RECQL: variants seen among roughly 807,000 people sequenced by gnomAD.
The protein encoded by RECQL is ATP-dependent DNA helicase Q1.
Under a neutral mutation model 75.8 loss-of-function variants are expected in RECQL, and 73 were observed. The ratio of observed to expected loss-of-function variants is 0.96; its 90% CI spans 0.80 to 1.17. The LOEUF is 1.17. RECQL is among the 50% of genes most tolerant of loss of function. The pLI is 0.00. For synonymous variants in RECQL, 248 were observed against 254.4 expected, an observed-to-expected ratio of 0.97 and a Z score of 0.24; for missense variants, 699 against 772.1, an observed-to-expected ratio of 0.91 and a Z score of 1.12.
intron 1 of RECQL, among the ~76,000 whole-genome samples, chr12:21,500,595 T>C (rs1192482918): frequency 2.0e-5 from 3 of 152,114 alleles, no homozygotes; most frequent in Non-Finnish European, 4.4e-5. Context: ...AATAGGAGAG[T>C]AAACCAAGGA....
rs759409555 is a variant in RECQL, at chr12:21,474,891, C to T, written c.1305G>A (p.Val435=). 6.2e-7 allele frequency: 1 copy of T among 1,613,212 alleles called. No homozygotes were observed. Among genetic ancestry groups the T allele is most frequent in the Non-Finnish European group, 8.5e-7 (1 of 1,179,250 alleles). Residue 435 remains valine (V), a synonymous_variant, in exon 11 of 15, where the codon GTG becomes GTA. Transcript: ENST00000444129. ...CCATCTCATAAAGCTTCTGCTGTCC[C>T]ACATTTTCCATCACCACCATTGAAC... The part of the protein sequence containing the change: ...RISSMVVMEN[V]GQQKLYEMVS...
rs997820 is a variant in RECQL, at chr12:21,474,623, A to C, written c.1355+218T>G. Among the ~76,000 whole-genome samples the C allele has an allele frequency of 0.33, 49,744 of 151,980 alleles. 9,507 individuals carry two copies. Among genetic ancestry groups the C allele is most frequent in the South Asian group, 0.49 (2,336 of 4,810 alleles). ...TGTGTCTCAAAAACCTTCAATTAAA[A>C]AAGTAGTTTTGGAGGATTATCTCAA... On this transcript the variant is annotated intron_variant, in intron 11 of 14. Transcript: ENST00000444129.
At position 21,469,400 on chromosome 12, in the gene RECQL, T is replaced by C. The variant is rs1942871080; in HGVS notation, c.*794A>G. On this transcript the variant is annotated 3_prime_UTR_variant, in exon 15 of 15. Coordinates refer to ENST00000444129, the MANE Select transcript of RECQL (RefSeq NM_002907.4). ...TTTTTTTTTTTTTAAGCTCATCAGC[T>C]ATCGTCAGTGTTAGCATATTTTATG... is the stretch of plus-strand genomic sequence containing the variant. 2 of 151,970 alleles carry C rather than the reference T, an allele frequency of 1.3e-5. No individual in the cohort carries two copies. The highest frequency in any genetic ancestry group is 4.1e-4 in the South Asian group (2 of 4,830). The allele number at this position is 151,970 out of a possible 1,614,324, so 9.4% of individuals were successfully genotyped here.
At position 21,501,270 on chromosome 12, in the gene RECQL, C is replaced by T. The variant is rs1266476368; in HGVS notation, c.-146G>A. 6.6e-6 allele frequency: 1 copy of T among 152,208 alleles called. No individual in the cohort carries two copies. The highest frequency in any genetic ancestry group is 1.5e-5 in the Non-Finnish European group (1 of 68,086). The allele number at this position is 152,208 out of a possible 1,614,324, so 9.4% of individuals were successfully genotyped here. ...GACCGGTCAGCAGGCGAACGTGCCCCTAAAGGCCCGAGTTCTCAGAGCAGG... is the reference window on the plus strand; with the variant it reads ...GACCGGTCAGCAGGCGAACGTGCCCTTAAAGGCCCGAGTTCTCAGAGCAGG... On this transcript the variant is annotated 5_prime_UTR_variant, in exon 1 of 15. Coordinates refer to ENST00000444129, the MANE Select transcript of RECQL (RefSeq NM_002907.4).
At chr12:21,473,443 T>A (rs904872735) in intron 12 of RECQL, 108 bp downstream of exon 12, 1 of 816,508 alleles carries the variant, frequency 1.2e-6, no homozygotes, top group African/African-American at 1.7e-5. Flanking sequence ...CACTTTGATG[T>A]TTGCACAATG....
intron 6 of RECQL, among the ~76,000 whole-genome samples, chr12:21,482,863 T>A (rs951979256): frequency 5.9e-5 from 9 of 152,060 alleles, no homozygotes; most frequent in African/African-American, 2.2e-4. Flanking sequence ...TAGGATTAGG[T>A]GGTGGGGTGA....
At chr12:21,487,072 A>G (rs1201139970) in intron 4 of RECQL, among the ~76,000 whole-genome samples, 1 of 142,794 alleles carries the variant, frequency 7.0e-6, no homozygotes, top group Non-Finnish European at 1.5e-5. Flanking sequence ...ATTAGATATG[A>G]ATAAATGACC....
In RECQL at chr12:21,483,494, A is replaced by G; in HGVS notation, c.582T>C (p.Ile194=). The change falls in exon 6 of 15, where the codon ATT becomes ATC. Residue 194 remains isoleucine (I), a synonymous_variant. Coordinates refer to ENST00000444129, the MANE Select transcript of RECQL (RefSeq NM_002907.4). ...LKLIYVTPEK[I]AKSKMFMSRL... ...TTGACATAAACATTTTGCTTTTTGCAATTTTCTCTGGAGTCACATAAATCA... is the reference window on the plus strand; with the variant it reads ...TTGACATAAACATTTTGCTTTTTGCGATTTTCTCTGGAGTCACATAAATCA... 1.3e-6 allele frequency: 2 copies of G among 1,587,696 alleles called. No homozygotes were observed. Among genetic ancestry groups the G allele is most frequent in the South Asian group, 1.2e-5 (1 of 86,048 alleles).
chr12:21,472,582 G>A (rs981981709), intron 12 of RECQL, among the ~76,000 whole-genome samples: 1 of 152,016 alleles, frequency 6.6e-6, no homozygotes, highest in Non-Finnish European at 1.5e-5. Context: ...GCATTGTCAC[G>A]GCATTTGTAA....
intron 5 of RECQL, among the ~76,000 whole-genome samples, chr12:21,483,802 T>C (rs1943239436): frequency 6.6e-6 from 1 of 151,892 alleles, no homozygotes; most frequent in Admixed American, 6.6e-5. Context: ...TGTTGATGAC[T>C]AAAAAAAACT....
intron 5 of RECQL, among the ~76,000 whole-genome samples, chr12:21,485,690 T>C (rs1193960889): frequency 6.6e-6 from 1 of 152,108 alleles, no homozygotes; most frequent in East Asian, 1.9e-4. Context: ...AATTAAAATA[T>C]GATGTCTGGA....
At chr12:21,478,227 A>AAGATAAAACAGGCCATC (rs1943123936) in intron 6 of RECQL, among the ~76,000 whole-genome samples, 1 of 152,234 alleles carries the variant, frequency 6.6e-6, no homozygotes, top group Non-Finnish European at 1.5e-5. Context: ...CAACTAACAA[A>AAGATAAAACAGGCCATC]AGATAAAACA....
chr12:21,470,866 T>C (rs1942933469), intron 14 of RECQL, 103 bp downstream of exon 14: 2 of 802,518 alleles, frequency 2.5e-6, no homozygotes, highest in Non-Finnish European at 3.4e-6. Context: ...AAACTGACTT[T>C]TCTCATGTTC....
At position 21,471,024 on chromosome 12, in the gene RECQL, T is replaced by C. The variant is rs758132730; in HGVS notation, c.1742A>G (p.Asn581Ser). ...KIGPKANLLN[N>S]EAHAITMQVT... The stretch of plus-strand genomic sequence containing the variant: ...TTGCATAGTAATAGCATGTGCCTCA[T>C]TGTTCAGAAGATTAGCTTTAGGTCC... Residue 581 changes from asparagine to serine, a missense_variant, in exon 14 of 15, where the codon AAT (asparagine) becomes AGT (serine). Physicochemically the swap from Asn to Ser is conservative, Grantham distance 46. This residue lies in a region of RECQL where 669 missense variants were observed against 713.5 expected (regional missense o/e 0.94). Transcript: ENST00000444129. 3.4e-5 allele frequency: 54 copies of C among 1,598,984 alleles called. No individual in the cohort carries two copies. The highest frequency in any genetic ancestry group is 6.8e-5 in the African/African-American group (5 of 73,774).
At chr12:21,479,412 A>G (rs1187646336) in intron 6 of RECQL, among the ~76,000 whole-genome samples, 1 of 145,152 alleles carries the variant, frequency 6.9e-6, no homozygotes, top group African/African-American at 2.6e-5. Context: ...GAGTGCAGTG[A>G]CACGATCTTG....
In RECQL at chr12:21,490,280, C is replaced by T. The variant is rs1943384814; in HGVS notation, c.313G>A (p.Ala105Thr). 1.2e-6 allele frequency: 2 copies of T among 1,612,784 alleles called. No individual in the cohort carries two copies. ...LQLETINVTM[A>T]GKEVFLVMPT... ...ATAACAAGAAATACCTCCTTTCCAGCCATTGTTACGTTAATAGTTTCAAGC... is the reference window on the plus strand; with the variant it reads ...ATAACAAGAAATACCTCCTTTCCAGTCATTGTTACGTTAATAGTTTCAAGC... Residue 105 changes from alanine to threonine, a missense_variant, in exon 4 of 15, where the codon GCT becomes ACT. Around this residue, in one of 2 missense-constraint regions of RECQL, gnomAD observed 669 missense variants for 713.5 expected, o/e 0.94. Transcript: ENST00000444129.
intron 6 of RECQL, 35 bp from the exon 7 acceptor site, chr12:21,478,004 CT>C: frequency 1.3e-6 from 2 of 1,564,478 alleles, no homozygotes; most frequent in South Asian, 2.4e-5. Context: ...TTTTTCTATC[CT>C]TTAAGAGTTA....
intron 8 of RECQL, among the ~76,000 whole-genome samples, chr12:21,476,065 CTCTT>C (rs1360300939): frequency 6.6e-6 from 1 of 151,992 alleles, no homozygotes; most frequent in East Asian, 1.9e-4. Context: ...TCTCTTTTCT[CTCTT>C]TAACTTTATC....
chr12:21,490,478 C>T (rs1943389540), intron 3 of RECQL, 100 bp from the exon 4 acceptor site: 2 of 686,758 alleles, frequency 2.9e-6, no homozygotes, highest in East Asian at 2.7e-5. Context: ...TACTTATAGA[C>T]CATTAAACTT....
Sources: allele counts gnomAD v4.1 joint callset (sites outside exome capture counted in the v4.1 genomes callset), GRCh38; gene constraint gnomAD v4.1.1; regional missense constraint gnomAD v4.1.1; transcripts MANE v1.5; gene names NCBI Gene and HGNC (gene_info 2026-07-23, HGNC 2026-07-21).